The following MAP4K4 variants were observed in gnomAD, a reference collection of about 807,000 sequenced individuals.
MAP4K4 encodes the protein HPK/GCK-like kinase HGK.
MAP4K4 carries 38 observed loss-of-function variants against 189.6 expected under a neutral mutation model. The observed-to-expected ratio is 0.20, with a 90% confidence interval of 0.15 to 0.26. The LOEUF (loss-of-function observed/expected upper bound fraction) is 0.26, where lower values mean the gene tolerates loss of function less well. MAP4K4 is among the 10% of genes least tolerant of loss of function. The probability of loss-of-function intolerance (pLI) is 1.00; values close to 1 mark genes in which losing one functional copy is unlikely to be tolerated. For missense variants in MAP4K4, 1,054 were observed against 1,726.9 expected (o/e 0.61, Z 6.91); for synonymous variants, 610 against 624.3 (o/e 0.98, Z 0.34).
Position 101,786,899 on chromosome 2 carries a change from C to T in MAP4K4, c.124-3821C>T, listed in dbSNP as rs116531841. ...TGTCTTATAAACACATTAATGTTTA[C>T]GTGGTACTGTGTAAATAAAGCAAAC... On this transcript the variant is annotated intron_variant, in intron 2 of 32. Coordinates refer to ENST00000324219, the Ensembl canonical transcript of MAP4K4. Among the ~76,000 whole-genome samples, 300 of 152,258 alleles carry T rather than the reference C, an allele frequency of 2.0e-3. 2 individuals carry two copies. The highest frequency in any genetic ancestry group is 3.1e-3 in the Non-Finnish European group (209 of 68,020).
At chr2:101,797,254 G>A (rs928741963) in intron 3 of MAP4K4, 16 of 1,290,544 alleles carry the variant, frequency 1.2e-5, no homozygotes, top group African/African-American at 1.5e-5. Flanking sequence ...ATTCCTCAGA[G>A]GCCAGCTAAA....
intron 2 of MAP4K4, among the ~76,000 whole-genome samples, chr2:101,767,324 G>A (rs2079058009): frequency 6.6e-6 from 1 of 152,184 alleles, no homozygotes; most frequent in Non-Finnish European, 1.5e-5. Flanking sequence ...CTCACTGGGA[G>A]TTGGGTGGAG....
chr2:101,728,823 C>T (rs2056912018), intron 2 of MAP4K4, among the ~76,000 whole-genome samples: 1 of 152,122 alleles, frequency 6.6e-6, no homozygotes, highest in African/African-American at 2.4e-5. Flanking sequence ...CCGACAGATC[C>T]CCTAGTTGAT....
At chr2:101,789,581 T>C (rs755488778) in intron 2 of MAP4K4, among the ~76,000 whole-genome samples, 23 of 152,164 alleles carry the variant, frequency 1.5e-4, no homozygotes, top group Non-Finnish European at 2.2e-4. Flanking sequence ...GTAACTTGAG[T>C]TCCTACACAG....
intron 2 of MAP4K4, among the ~76,000 whole-genome samples, chr2:101,776,965 T>C (rs1008910269): frequency 6.6e-6 from 1 of 152,222 alleles, no homozygotes; most frequent in Non-Finnish European, 1.5e-5. Context: ...ATTGTCCTTA[T>C]AGAAAGGCGG....
chr2:101,864,709 T>C (rs574574852), intron 17 of MAP4K4, among the ~76,000 whole-genome samples: 1 of 152,216 alleles, frequency 6.6e-6, no homozygotes, highest in Non-Finnish European at 1.5e-5. Flanking sequence ...TACAGGAGCA[T>C]AGAAAGCCTG....
At chr2:101,842,712 C>T (rs1362335716) in intron 11 of MAP4K4, 31 bp downstream of exon 11, 5 of 1,555,924 alleles carry the variant, frequency 3.2e-6, no homozygotes, top group African/African-American at 1.4e-5. Flanking sequence ...CAGTATCCTG[C>T]TTTATGAAGG....
chr2:101,836,194 C>T (rs1228908159), intron 9 of MAP4K4, among the ~76,000 whole-genome samples: 1 of 152,040 alleles, frequency 6.6e-6, no homozygotes, highest in Non-Finnish European at 1.5e-5. Context: ...GACAAATGAC[C>T]ACATGAAACA....
At chr2:101,716,662 T>C (rs141095818) in intron 2 of MAP4K4, among the ~76,000 whole-genome samples, 1 of 152,288 alleles carries the variant, frequency 6.6e-6, no homozygotes, top group Non-Finnish European at 1.5e-5. Context: ...TCATCATCTT[T>C]GTTCATACTT....
chr2:101,808,322 A>G (rs935461399), intron 3 of MAP4K4, among the ~76,000 whole-genome samples: 2 of 152,204 alleles, frequency 1.3e-5, no homozygotes, highest in African/African-American at 4.8e-5. Flanking sequence ...TTATAGCTAC[A>G]GAGCCCATGG....
intron 19 of MAP4K4, 59 bp downstream of exon 19, chr2:101,866,638 T>G: frequency 6.3e-7 from 1 of 1,581,374 alleles, no homozygotes; most frequent in Non-Finnish European, 8.7e-7. Flanking sequence ...ATCCATATCT[T>G]GGAAGTTTGT....
chr2:101,845,729 A>G (rs1490326753), intron 12 of MAP4K4, among the ~76,000 whole-genome samples: 1 of 152,202 alleles, frequency 6.6e-6, no homozygotes, highest in African/African-American at 2.4e-5. Context: ...TGGGGATCAG[A>G]AGAGTCTTTT....
chr2:101,856,210 G>A (rs916440382), intron 13 of MAP4K4, 72 bp downstream of exon 13: 48 of 1,454,906 alleles, frequency 3.3e-5, no homozygotes, highest in Non-Finnish European at 4.4e-5. Flanking sequence ...GGGATTTTTA[G>A]AAAGTATACA....
At chr2:101,721,917 G>T (rs2052371796) in intron 2 of MAP4K4, among the ~76,000 whole-genome samples, 3 of 152,198 alleles carry the variant, frequency 2.0e-5, no homozygotes, top group African/African-American at 7.2e-5. Context: ...AAGCCAGCAA[G>T]ACAATAAGCC....
intron 2 of MAP4K4, among the ~76,000 whole-genome samples, chr2:101,730,392 G>C (rs534928761): frequency 2.1e-4 from 32 of 152,296 alleles, no homozygotes; most frequent in African/African-American, 7.2e-4. Flanking sequence ...TCCTTTTTGG[G>C]GTTGTGGTAG....
chr2:101,798,596 C>T (rs1397969754), intron 3 of MAP4K4, among the ~76,000 whole-genome samples: 4 of 152,158 alleles, frequency 2.6e-5, no homozygotes, highest in Non-Finnish European at 5.9e-5. Context: ...TTTTATTACA[C>T]CACATCTCCC....
intron 32 of MAP4K4, 96 bp downstream of exon 32, chr2:101,889,031 A>G (rs1359883312): frequency 8.7e-7 from 1 of 1,148,536 alleles, no homozygotes; most frequent in Non-Finnish European, 1.2e-6. Flanking sequence ...TGGAGTTTTG[A>G]TAAAAATAAT....
intron 12 of MAP4K4, among the ~76,000 whole-genome samples, chr2:101,853,973 A>G (rs905479852): frequency 2.2e-4 from 33 of 152,266 alleles, no homozygotes; most frequent in African/African-American, 4.8e-4. Context: ...GTAAATAACA[A>G]TTTTGCAAAG....
At chr2:101,827,626 G>T (rs2096419197) in intron 5 of MAP4K4, among the ~76,000 whole-genome samples, 1 of 152,172 alleles carries the variant, frequency 6.6e-6, no homozygotes, top group South Asian at 2.1e-4. Flanking sequence ...GTCCTGAGCA[G>T]GTAGGCCTCA....
Sources: allele counts gnomAD v4.1 joint callset (sites outside exome capture counted in the v4.1 genomes callset), GRCh38; gene constraint gnomAD v4.1.1; transcripts MANE v1.5; gene names NCBI Gene and HGNC (gene_info 2026-07-23, HGNC 2026-07-21).